The following RABGAP1L variants were observed in gnomAD, a reference collection of about 807,000 sequenced individuals.
The protein encoded by RABGAP1L is rab GTPase-activating protein 1-like.
RABGAP1L carries 63 observed loss-of-function variants against 137.7 expected under a neutral mutation model. The observed-to-expected ratio is 0.46, with a 90% CI of 0.37 to 0.56. The LOEUF is 0.56. Ranked by LOEUF, RABGAP1L falls within the 20% of genes least tolerant of loss-of-function variation. RABGAP1L has a pLI of 0.00. For synonymous variants in RABGAP1L, 431 were observed against 433.7 expected, an observed-to-expected ratio of 0.99 and a Z score of 0.08; for missense variants, 1,095 against 1,244.0, an observed-to-expected ratio of 0.88 and a Z score of 1.80.
rs956905685 is a variant in RABGAP1L at position 174,183,311 on chromosome 1, C to T, written c.-34+23654C>T. Among the ~76,000 whole-genome samples, 5 of 152,256 alleles carry T rather than the reference C, an allele frequency of 3.3e-5. No homozygotes were observed. The South Asian group carries it at 1.0e-3, about 32-fold the overall frequency. On this transcript the variant is annotated intron_variant, in intron 1 of 25. Transcript: ENST00000681986. Reference sequence around the variant, plus strand: ...CCCTGCCGTGGTGAAGATCACGGCTCACTGGGGTGTTGCTTTGTTGCCTAG... The same window carrying T: ...CCCTGCCGTGGTGAAGATCACGGCTTACTGGGGTGTTGCTTTGTTGCCTAG...
At chr1:174,567,383 T>G (rs942683229) in intron 13 of RABGAP1L, among the ~76,000 whole-genome samples, 9 of 152,212 alleles carry the variant, frequency 5.9e-5, no homozygotes, top group Non-Finnish European at 1.2e-4. Flanking sequence ...TATTATTCTG[T>G]TATATGTGTA....
intron 11 of RABGAP1L, among the ~76,000 whole-genome samples, chr1:174,359,904 A>G (rs1683984975): frequency 6.6e-6 from 1 of 152,234 alleles, no homozygotes; most frequent in African/African-American, 2.4e-5. Context: ...TAGATAAAAA[A>G]GGAAGACATT....
chr1:174,775,012 C>T (rs967086307), intron 18 of RABGAP1L, among the ~76,000 whole-genome samples: 1 of 152,180 alleles, frequency 6.6e-6, no homozygotes, highest in East Asian at 1.9e-4. Context: ...CACTCAAGGA[C>T]TCAGGTTCTA....
intron 10 of RABGAP1L, among the ~76,000 whole-genome samples, chr1:174,285,322 CT>C (rs2148701402): frequency 6.6e-6 from 1 of 152,192 alleles, no homozygotes; most frequent in South Asian, 2.1e-4. Flanking sequence ...CAGCCAATGT[CT>C]TACAGTTTTT....
At chr1:174,282,388 T>C (rs1189693998) in intron 10 of RABGAP1L, among the ~76,000 whole-genome samples, 1 of 152,206 alleles carries the variant, frequency 6.6e-6, no homozygotes, top group Non-Finnish European at 1.5e-5. Context: ...CATTGAGTAA[T>C]GATTTTGAGC....
chr1:174,841,848 C>T (rs1263903955), intron 19 of RABGAP1L, among the ~76,000 whole-genome samples: 1 of 150,320 alleles, frequency 6.7e-6, no homozygotes, highest in Non-Finnish European at 1.5e-5. Context: ...ACTATTAGCA[C>T]AGAATAACTT....
rs534329874 is a variant in RABGAP1L, at chr1:174,609,773, T to G, written c.1711-27602T>G. Among the ~76,000 whole-genome samples the G allele has an allele frequency of 2.8e-4, 42 of 152,320 alleles. No homozygotes were observed. In the South Asian group the frequency reaches 3.9e-3, roughly 14 times the overall value. The stretch of plus-strand genomic sequence containing the variant: ...TTAATTATGTAATTCATCTGTCACT[T>G]TAATAAGAGTGATTTTAAAATAATG... On this transcript the variant is annotated intron_variant, in intron 13 of 25. Transcript: ENST00000681986.
intron 11 of RABGAP1L, among the ~76,000 whole-genome samples, chr1:174,338,111 A>C (rs1681642091): frequency 6.6e-6 from 1 of 152,170 alleles, no homozygotes; most frequent in Non-Finnish European, 1.5e-5. Context: ...ATTTCAAAAA[A>C]CAATTTAACC....
chr1:174,330,469 C>T lies in RABGAP1L; in HGVS notation c.1465+25342C>T, dbSNP rs1309183003. ...GCACAGTGGCACCCACCTGTAGTCCCAGCTACTCAGGAGACTGAGGGAGGA... is the reference window on the plus strand; with the variant it reads ...GCACAGTGGCACCCACCTGTAGTCCTAGCTACTCAGGAGACTGAGGGAGGA... On this transcript the variant is annotated intron_variant, in intron 11 of 25. Transcript: ENST00000681986. 2.0e-5 allele frequency among the ~76,000 whole-genome samples: 3 copies of T among 152,170 alleles called. No individual in the cohort carries two copies. The East Asian group carries it at 5.8e-4, about 29-fold the overall frequency.
At chr1:174,615,260 T>C (rs940297334) in intron 13 of RABGAP1L, among the ~76,000 whole-genome samples, 7 of 152,228 alleles carry the variant, frequency 4.6e-5, no homozygotes, top group African/African-American at 1.4e-4. Flanking sequence ...GTTTTTGGTG[T>C]GGATGTCCTG....
At chr1:174,277,891 A>C (rs1250193509) in intron 9 of RABGAP1L, among the ~76,000 whole-genome samples, 1 of 152,164 alleles carries the variant, frequency 6.6e-6, no homozygotes, top group Non-Finnish European at 1.5e-5. Flanking sequence ...GTAAGAATGT[A>C]ATAAAATTGT....
chr1:174,606,618 C>T (rs1321034775), intron 13 of RABGAP1L, among the ~76,000 whole-genome samples: 2 of 152,208 alleles, frequency 1.3e-5, no homozygotes, highest in Non-Finnish European at 2.9e-5. Flanking sequence ...TATCTGTTCT[C>T]TGCCTTCATG....
intron 19 of RABGAP1L, among the ~76,000 whole-genome samples, chr1:174,926,689 G>A (rs973189650): frequency 3.3e-5 from 5 of 151,760 alleles, no homozygotes; most frequent in East Asian, 1.9e-4. Context: ...GACTACAATC[G>A]TCTGTAAAAA....
intron 13 of RABGAP1L, among the ~76,000 whole-genome samples, chr1:174,615,747 G>A (rs987787116): frequency 2.0e-5 from 3 of 152,212 alleles, no homozygotes; most frequent in South Asian, 2.1e-4. Flanking sequence ...CGAGCTTCCC[G>A]GCTGCTTTGT....
intron 7 of RABGAP1L, among the ~76,000 whole-genome samples, chr1:174,267,780 T>C (rs1413707145): frequency 6.6e-6 from 1 of 152,224 alleles, no homozygotes; most frequent in East Asian, 1.9e-4. Flanking sequence ...GTTTTACTTT[T>C]TAACAATTGT....
At chr1:174,266,468 T>C (rs906928307) in intron 7 of RABGAP1L, among the ~76,000 whole-genome samples, 1 of 152,190 alleles carries the variant, frequency 6.6e-6, no homozygotes, top group African/African-American at 2.4e-5. Context: ...CAGGCAGTCC[T>C]TGCTTTGTAG....
intron 1 of RABGAP1L, among the ~76,000 whole-genome samples, chr1:174,175,505 T>G (rs1665763947): frequency 6.6e-6 from 1 of 151,594 alleles, no homozygotes; most frequent in African/African-American, 2.4e-5. Context: ...TTTTTTTTTT[T>G]TTGAGACAGA....
intron 24 of RABGAP1L, among the ~76,000 whole-genome samples, chr1:174,987,753 CTGT>C: frequency 6.6e-6 from 1 of 152,254 alleles, no homozygotes; most frequent in East Asian, 1.9e-4. Context: ...AAAACAGTTG[CTGT>C]TGTTTAGTGC....
intron 19 of RABGAP1L, among the ~76,000 whole-genome samples, chr1:174,896,361 T>C (rs1402850686): frequency 1.3e-5 from 2 of 152,248 alleles, no homozygotes; most frequent in African/African-American, 4.8e-5. Flanking sequence ...ATGAGTAGAT[T>C]GTAAAAATTT....
Sources: allele counts gnomAD v4.1 joint callset (sites outside exome capture counted in the v4.1 genomes callset), GRCh38; gene constraint gnomAD v4.1.1; transcripts MANE v1.5; gene names NCBI Gene and HGNC (gene_info 2026-07-23, HGNC 2026-07-21).